Variants in KCNK17 observed in about 807,000 individuals in gnomAD.
KCNK17 encodes the protein potassium two pore domain channel subfamily K member 17.
In KCNK17, 27 loss-of-function variants were observed where a neutral mutation model predicts 24.6. The observed-to-expected ratio is 1.10, with a 90% CI of 0.81 to 1.51. The LOEUF (loss-of-function observed/expected upper bound fraction) is 1.51. Ranked by LOEUF, KCNK17 falls within the 40% of genes most tolerant of loss-of-function variation. The pLI, the probability that KCNK17 is intolerant of heterozygous loss-of-function variation, is 0.00. For missense variants in KCNK17, 450 were observed against 436.6 expected (o/e 1.03, Z -0.27); for synonymous variants, 181 against 189.8 (o/e 0.95, Z 0.38).
chr6:39,307,670 A>T (rs571965630), intron 2 of KCNK17, among the ~76,000 whole-genome samples: 1 of 152,244 alleles, frequency 6.6e-6, no homozygotes, highest in Non-Finnish European at 1.5e-5. Context: ...AGGTCAGCAA[A>T]AGGATGTCAC....
rs1562084369 is a variant in KCNK17, at chr6:39,311,109, C to CT, written c.238-103_238-102insA. 809 of 572,560 alleles carry CT rather than the reference C, an allele frequency of 1.4e-3. 9 individuals carry two copies. The highest frequency in any genetic ancestry group is 0.014 in the African/African-American group (648 of 47,370). The allele number at this position is 572,560 out of a possible 1,614,324, so 35.5% of individuals were successfully genotyped here. On this transcript the variant is annotated intron_variant, in intron 1 of 4. Transcript: ENST00000373231. Reference sequence around the variant, plus strand: ...ACACACACACACACACACACACACACACACACACACAAACAAACCTACACA... The same window carrying CT: ...ACACACACACACACACACACACACACTACACACACACAAACAAACCTACACA...
Position 39,314,106 on chromosome 6 carries a change from G to C in KCNK17, c.215C>G (p.Pro72Arg), listed in dbSNP as rs754336373. 2 of 1,589,116 alleles carry C rather than the reference G, an allele frequency of 1.3e-6. No individual in the cohort carries two copies. The highest frequency in any genetic ancestry group is 1.1e-5 in the South Asian group (1 of 88,674). ...GACCCGGATCAGCGAGTCCAGCGCC[G>C]GGCGGTCCAGACACGTGAAGTTCTG... is the stretch of plus-strand genomic sequence containing the variant. Reference protein sequence around the residue: ...LLQNFTCLDRPALDSLIRDVV... With the variant: ...LLQNFTCLDRRALDSLIRDVV... The change falls in exon 1 of 5, where the codon CCG (proline) becomes CGG (arginine). Residue 72 changes from proline (P) to arginine (R), a missense_variant. Pro to Arg is a moderately radical substitution (Grantham distance 103). Transcript: ENST00000373231.
intron 4 of KCNK17, among the ~76,000 whole-genome samples, chr6:39,302,572 G>A (rs1280411563): frequency 2.6e-5 from 4 of 152,198 alleles, no homozygotes; most frequent in African/African-American, 9.7e-5. Flanking sequence ...ATAGGATTGT[G>A]CAGTGCCCAA....
chr6:39,314,191 C>G lies in KCNK17; in HGVS notation c.130G>C (p.Glu44Gln). The G allele has an allele frequency of 5.8e-6, 9 of 1,551,962 alleles. No homozygotes were observed. The highest frequency in any genetic ancestry group is 7.8e-6 in the Non-Finnish European group (9 of 1,152,666). The part of the protein sequence containing the change: ...ALGTGVFWTL[E>Q]GRAAQDSSRS... ...CTGGAGTCCTGCGCCGCGCGGCCCTCCAGCGTCCAGAACACGCCGGTGCCC... is the reference window on the plus strand; with the variant it reads ...CTGGAGTCCTGCGCCGCGCGGCCCTGCAGCGTCCAGAACACGCCGGTGCCC... Residue 44 changes from glutamate (E) to glutamine (Q), a missense_variant, in exon 1 of 5, where the codon GAG becomes CAG. Glu to Gln is a conservative substitution (Grantham distance 29). Transcript: ENST00000373231.
intron 1 of KCNK17, among the ~76,000 whole-genome samples, chr6:39,311,669 C>T (rs902572439): frequency 6.6e-6 from 1 of 152,092 alleles, no homozygotes; most frequent in Non-Finnish European, 1.5e-5. Context: ...ATTATATAGG[C>T]ATATAATGTT....
chr6:39,303,685 C>T (rs1341818571), intron 4 of KCNK17, among the ~76,000 whole-genome samples: 11 of 152,252 alleles, frequency 7.2e-5, no homozygotes, highest in South Asian at 2.1e-4. Flanking sequence ...GCATGGACCC[C>T]GGAGGGAGGC....
At chr6:39,302,289 G>A (rs922702214) in intron 4 of KCNK17, among the ~76,000 whole-genome samples, 2 of 152,090 alleles carry the variant, frequency 1.3e-5, no homozygotes, top group African/African-American at 4.8e-5. Context: ...GTTTGGACTA[G>A]ATCTCCTCAG....
At chr6:39,300,991 CTA>C (rs1303802468) in intron 4 of KCNK17, among the ~76,000 whole-genome samples, 1 of 152,178 alleles carries the variant, frequency 6.6e-6, no homozygotes, top group East Asian at 1.9e-4. Context: ...AGTCCTCCTC[CTA>C]TGACTGTTGG....
At chr6:39,304,281 G>A (rs1268878633) in intron 3 of KCNK17, 150 bp from the exon 4 acceptor site, 18 of 833,060 alleles carry the variant, frequency 2.2e-5, no homozygotes, top group Non-Finnish European at 3.0e-5. Context: ...TGGAGCCTGT[G>A]CCTCATGTCC....
chr6:39,304,947 C>G (rs1562081998), intron 2 of KCNK17, among the ~76,000 whole-genome samples: 1 of 152,218 alleles, frequency 6.6e-6, no homozygotes, highest in Non-Finnish European at 1.5e-5. Flanking sequence ...GAGCTCAAAC[C>G]CACCAAATGT....
At chr6:39,301,759 G>T (rs774675114) in intron 4 of KCNK17, among the ~76,000 whole-genome samples, 1 of 152,252 alleles carries the variant, frequency 6.6e-6, no homozygotes, top group South Asian at 2.1e-4. Context: ...ACCTGGGGGC[G>T]GCTCTGGCCA....
At chr6:39,300,585 C>T (rs1204778309) in intron 4 of KCNK17, 3 of 1,495,224 alleles carry the variant, frequency 2.0e-6, no homozygotes, top group Non-Finnish European at 2.7e-6. Context: ...TGACTCGGTT[C>T]TTCAGCCACC....
Position 39,299,280 on chromosome 6 carries a change from T to C in KCNK17, c.*147A>G. 1 of 641,934 alleles carries C rather than the reference T, an allele frequency of 1.6e-6. No homozygotes were observed. The allele number at this position is 641,934 out of a possible 1,614,324, so 39.8% of individuals were successfully genotyped here. A position where few individuals can be genotyped will look rare whatever the true frequency, so the allele number is the denominator to read the frequency against. On this transcript the variant is annotated 3_prime_UTR_variant, in exon 5 of 5. Coordinates refer to ENST00000373231, the MANE Select transcript of KCNK17 (RefSeq NM_031460.4). ...CCATGTCACCCAGGACATGTCTCTG[T>C]ATACCCTATTGGGCAGAATTAATCA...
At chr6:39,308,985 CT>C (rs1388497503) in intron 2 of KCNK17, among the ~76,000 whole-genome samples, 8 of 152,214 alleles carry the variant, frequency 5.3e-5, no homozygotes, top group Non-Finnish European at 1.0e-4. Context: ...GCCGTATGAT[CT>C]GGGGGAGATG....
At chr6:39,300,138 T>C (rs1761925661) in intron 4 of KCNK17, among the ~76,000 whole-genome samples, 1 of 152,198 alleles carries the variant, frequency 6.6e-6, no homozygotes, top group Non-Finnish European at 1.5e-5. Flanking sequence ...TTGTTTTGTT[T>C]TGGAGACAGA....
chr6:39,303,013 G>T (rs1011965827), intron 4 of KCNK17, among the ~76,000 whole-genome samples: 5 of 152,198 alleles, frequency 3.3e-5, no homozygotes, highest in Non-Finnish European at 7.3e-5. Flanking sequence ...GAGTCAAATA[G>T]ATCAGGATTC....
chr6:39,314,369 G>A lies in KCNK17; in HGVS notation c.-49C>T. ...GCCGGGAGCGGTGGACTAGGACCCG[G>A]TGGGAGGGAAGGGCCAGGCGTCCAG... On this transcript the variant is annotated 5_prime_UTR_variant, in exon 1 of 5. Transcript: ENST00000373231. 7.7e-7 allele frequency: 1 copy of A among 1,302,242 alleles called. No individual in the cohort carries two copies. Among genetic ancestry groups the A allele is most frequent in the Non-Finnish European group, 1.0e-6 (1 of 999,314 alleles). 80.7% of individuals were successfully genotyped at this position (1,302,242 alleles called of 1,614,324 possible). A position where few individuals can be genotyped will look rare whatever the true frequency, so the allele number is the denominator to read the frequency against.
chr6:39,299,707 C>G lies in KCNK17; in HGVS notation c.719G>C (p.Trp240Ser), dbSNP rs772960393. The change falls in exon 5 of 5, where the codon TGG becomes TCG. Residue 240 changes from tryptophan to serine, a missense_variant. Trp to Ser is a radical substitution (Grantham distance 177). Coordinates refer to ENST00000373231, the MANE Select transcript of KCNK17 (RefSeq NM_031460.4). ...CCACAGGGACACCATGTTCTTGTAC[C>G]ACAGTGGGTACCTCTGGGAGGGGTT... is the stretch of plus-strand genomic sequence containing the variant. Reference protein sequence around the residue: ...GMNPSQRYPLWYKNMVSLWIL... With the variant: ...GMNPSQRYPLSYKNMVSLWIL... 5.0e-6 allele frequency: 8 copies of G among 1,614,006 alleles called. No homozygotes were observed. Among genetic ancestry groups the G allele is most frequent in the Non-Finnish European group, 4.2e-6 (5 of 1,180,026 alleles).
intron 2 of KCNK17, 88 bp from the exon 3 acceptor site, chr6:39,304,743 G>A (rs1056611699): frequency 3.8e-5 from 55 of 1,435,752 alleles, no homozygotes; most frequent in Admixed American, 5.4e-5. Flanking sequence ...CCAACCCCCA[G>A]GGCCCTCATT....
Sources: gnomAD v4.1 joint callset for allele counts (sites outside exome capture counted in the v4.1 genomes callset) on GRCh38, gnomAD v4.1.1 for gene constraint, MANE v1.5 for transcripts, NCBI Gene and HGNC (gene_info 2026-07-23, HGNC 2026-07-21) for gene names.